Variants in EXTL3 observed in about 807,000 individuals in gnomAD.
The protein encoded by EXTL3 is exostosin like glycosyltransferase 3, also known as exostosin-like 3.
In EXTL3, 27 loss-of-function variants were observed where a neutral mutation model predicts 69.3. That is an observed-to-expected ratio of 0.39 (90% CI 0.29 to 0.54). The LOEUF (loss-of-function observed/expected upper bound fraction) is 0.54, where lower values mean the gene tolerates loss of function less well. Among genes scored for constraint, EXTL3 ranks in the 20% least tolerant of loss-of-function variants. The pLI, the probability that EXTL3 is intolerant of heterozygous loss-of-function variation, is 0.69. For missense variants in EXTL3, 1,003 were observed against 1,231.8 expected (o/e 0.81, Z 2.78); for synonymous variants, 511 against 499.4 (o/e 1.02, Z -0.31).
chr8:28,621,412 A>T (rs1806407834), upstream of EXTL3, among the ~76,000 whole-genome samples: 2 of 152,178 alleles, frequency 1.3e-5, 1 homozygote, highest in South Asian at 4.1e-4. Context: ...ACTGGAACCA[A>T]CACTGCCCAC....
chr8:28,672,562 C>G (rs751254805), intron 1 of EXTL3, among the ~76,000 whole-genome samples: 2 of 152,156 alleles, frequency 1.3e-5, no homozygotes, highest in Non-Finnish European at 2.9e-5. Flanking sequence ...TTCCTTTGAT[C>G]AGCATCAATA....
At chr8:28,666,673 T>A (rs1807202202) in intron 1 of EXTL3, among the ~76,000 whole-genome samples, 2 of 152,180 alleles carry the variant, frequency 1.3e-5, no homozygotes, top group African/African-American at 4.8e-5. Context: ...CCTCCTGGGT[T>A]CAAGTGATTC....
At chr8:28,640,857 C>G (rs986340195) in intron 1 of EXTL3, among the ~76,000 whole-genome samples, 18 of 152,330 alleles carry the variant, frequency 1.2e-4, no homozygotes, top group African/African-American at 4.3e-4. Context: ...CTGTCTCAGT[C>G]TCCCAAAGTG....
Position 28,729,643 on chromosome 8 carries a change from T to C in EXTL3, c.2149-1580T>C, listed in dbSNP as rs115732488. The stretch of plus-strand genomic sequence containing the variant: ...AAAAAAGCATTTTCTATGGTGGCTT[T>C]GGTTTGAAGAAGTTTATAAAGTTAA... On this transcript the variant is annotated intron_variant, in intron 3 of 6. Coordinates refer to ENST00000220562, the MANE Select transcript of EXTL3 (RefSeq NM_001440.4). 8.1e-3 allele frequency among the ~76,000 whole-genome samples: 1,198 copies of C among 147,004 alleles called. 15 individuals are homozygous for C. The highest frequency in any genetic ancestry group is 0.028 in the African/African-American group (1,109 of 39,950).
At chr8:28,709,549 T>C (rs1253607758) in intron 1 of EXTL3, among the ~76,000 whole-genome samples, 1 of 152,154 alleles carries the variant, frequency 6.6e-6, no homozygotes, top group Non-Finnish European at 1.5e-5. Flanking sequence ...GTTTAACTTT[T>C]TTTCTTTCTT....
At chr8:28,622,372 T>G (rs1390901026), upstream of EXTL3, among the ~76,000 whole-genome samples, 2 of 152,144 alleles carry the variant, frequency 1.3e-5, no homozygotes, top group African/African-American at 2.4e-5. Flanking sequence ...GGTGCTGGTG[T>G]TGTTGCAGCG....
intron 1 of EXTL3, among the ~76,000 whole-genome samples, chr8:28,707,785 A>G (rs1444399197): frequency 6.6e-6 from 1 of 152,248 alleles, no homozygotes; most frequent in Non-Finnish European, 1.5e-5. Context: ...ATTTTTACAC[A>G]TAATTAAACT....
At chr8:28,657,270 A>G (rs1186304820) in intron 1 of EXTL3, among the ~76,000 whole-genome samples, 1 of 152,172 alleles carries the variant, frequency 6.6e-6, no homozygotes, top group African/African-American at 2.4e-5. Context: ...AAGTATAAGG[A>G]AGAAAGTGGT....
intron 4 of EXTL3, among the ~76,000 whole-genome samples, chr8:28,735,020 C>T (rs1421327770): frequency 1.3e-5 from 2 of 152,134 alleles, no homozygotes; most frequent in African/African-American, 4.8e-5. Flanking sequence ...TTCCTTTGAC[C>T]TCTTGCTTAG....
upstream of EXTL3, among the ~76,000 whole-genome samples, chr8:28,618,551 C>A (rs1806357913): frequency 6.6e-6 from 1 of 152,106 alleles, no homozygotes; most frequent in Non-Finnish European, 1.5e-5. Flanking sequence ...AGAAGCCTCA[C>A]GTCCGGCACG....
In EXTL3 at chr8:28,752,498, G is replaced by A. The variant is rs950537098; in HGVS notation, c.*1632G>A. On this transcript the variant is annotated 3_prime_UTR_variant, in exon 7 of 7. Coordinates refer to ENST00000220562, the MANE Select transcript of EXTL3 (RefSeq NM_001440.4). The stretch of plus-strand genomic sequence containing the variant: ...CTCCTCTGACCTGCCTGTACCACGT[G>A]GGTCCTCTTCAAGTACTGTTTTGAA... 1 of 152,702 alleles carries A rather than the reference G, an allele frequency of 6.5e-6. No homozygotes were observed. The highest frequency in any genetic ancestry group is 2.4e-5 in the African/African-American group (1 of 41,434). 9.5% of individuals were successfully genotyped at this position (152,702 alleles called of 1,614,324 possible).
intron 1 of EXTL3, among the ~76,000 whole-genome samples, chr8:28,668,123 C>T (rs575514444): frequency 6.6e-6 from 1 of 151,704 alleles, no homozygotes; most frequent in South Asian, 2.1e-4. Context: ...AAAAATTATT[C>T]GGGCATGGTG....
chr8:28,749,852 C>T (rs536200193), intron 6 of EXTL3, among the ~76,000 whole-genome samples: 10 of 152,272 alleles, frequency 6.6e-5, no homozygotes, highest in East Asian at 1.9e-4. Flanking sequence ...TGCTGCCACA[C>T]GCAGCTAATA....
chr8:28,616,661 A>G (rs1450463757), intron 2 of EXTL3, among the ~76,000 whole-genome samples: 2 of 151,676 alleles, frequency 1.3e-5, no homozygotes, highest in Non-Finnish European at 2.9e-5. Context: ...GTGCTCTTCA[A>G]GATTCTTGCC....
chr8:28,686,955 T>C (rs1807587961), intron 1 of EXTL3, among the ~76,000 whole-genome samples: 1 of 152,152 alleles, frequency 6.6e-6, no homozygotes, highest in African/African-American at 2.4e-5. Context: ...CCCAGGCCCA[T>C]GTGACTCTAA....
chr8:28,705,126 C>A (rs190979955), intron 1 of EXTL3, among the ~76,000 whole-genome samples: 142 of 152,272 alleles, frequency 9.3e-4, no homozygotes, highest in Non-Finnish European at 1.6e-3. Flanking sequence ...TTGGGAATGG[C>A]CTTGCTGCCT....
Position 28,737,549 on chromosome 8 carries a change from G to T in EXTL3, c.2307G>T (p.Val769=), listed in dbSNP as rs762607710. The change falls in exon 5 of 7, where the codon GTG becomes GTT. Residue 769 remains valine, a synonymous_variant. Transcript: ENST00000220562. ...GGAGAGAAGCTCGGGACCGCATCGT[G>T]GGCTTCCCTGGCCGTTACCACGCAT... The part of the protein sequence containing the change: ...RVWREARDRI[V]GFPGRYHAWD... 9 of 1,613,904 alleles carry T rather than the reference G, an allele frequency of 5.6e-6. No individual in the cohort carries two copies. In the African/African-American group the frequency reaches 1.1e-4, roughly 19 times the overall value.
chr8:28,659,000 A>G (rs897845646), intron 1 of EXTL3, among the ~76,000 whole-genome samples: 9 of 152,228 alleles, frequency 5.9e-5, no homozygotes, highest in Non-Finnish European at 1.2e-4. Context: ...ATTTTGAGCA[A>G]TGCTACAGTG....
intron 3 of EXTL3, among the ~76,000 whole-genome samples, chr8:28,727,877 T>C (rs1206321911): frequency 6.6e-6 from 1 of 152,202 alleles, no homozygotes; most frequent in Admixed American, 6.5e-5. Flanking sequence ...CTGCTGGTCT[T>C]CGCCTCACAC....
Sources: allele counts gnomAD v4.1 joint callset (sites outside exome capture counted in the v4.1 genomes callset), GRCh38; gene constraint gnomAD v4.1.1; transcripts MANE v1.5; gene names NCBI Gene and HGNC (gene_info 2026-07-23, HGNC 2026-07-21).